IRF8: variants seen among roughly 807,000 people sequenced by gnomAD.
IRF8 encodes interferon consensus sequence binding protein 1.
Under a neutral mutation model 48.7 loss-of-function variants are expected in IRF8, and 14 were observed. That is an observed-to-expected ratio of 0.29 (90% CI 0.19 to 0.45). The LOEUF (loss-of-function observed/expected upper bound fraction) is 0.45, where lower values mean the gene tolerates loss of function less well. Among genes scored for constraint, IRF8 ranks in the 20% least tolerant of loss-of-function variants. IRF8 has a pLI of 1.00. For missense variants in IRF8, 493 were observed against 580.7 expected (o/e 0.85, Z 1.55); for synonymous variants, 278 against 227.3 (o/e 1.22, Z -2.01).
intron 2 of IRF8, 66 bp downstream of exon 2, chr16:85,903,255 G>A (rs1000541441): frequency 6.5e-6 from 9 of 1,384,972 alleles, no homozygotes; most frequent in East Asian, 2.4e-5. Context: ...GACTAGTGGA[G>A]ATGTTGAGTG....
chr16:85,917,951 A>G (rs987652390), intron 6 of IRF8, among the ~76,000 whole-genome samples: 1 of 152,200 alleles, frequency 6.6e-6, no homozygotes, highest in Non-Finnish European at 1.5e-5. Flanking sequence ...TTTGTTGAGA[A>G]AAAGATTATG....
intron 6 of IRF8, 126 bp from the exon 7 acceptor site, chr16:85,918,291 A>G (rs1202214031): frequency 2.8e-6 from 3 of 1,083,700 alleles, no homozygotes; most frequent in Non-Finnish European, 4.0e-6. Context: ...ATTTCCCCAG[A>G]ATATCAAAGT....
rs749700728 is a variant in IRF8, at chr16:85,903,096, T to A, written c.81T>A (p.Ile27=). ...ACAGTAGCATGTATCCAGGACTGAT[T>A]TGGGAGAATGAGGAGAAGAGCATGT... ...QIDSSMYPGL[I]WENEEKSMFR... The change falls in exon 2 of 9, where the codon ATT becomes ATA. Residue 27 remains isoleucine, a synonymous_variant. Transcript: ENST00000268638. The A allele has an allele frequency of 2.7e-5, 43 of 1,613,922 alleles. No individual in the cohort carries two copies. In the South Asian group the frequency reaches 4.5e-4, roughly 17 times the overall value.
intron 1 of IRF8, among the ~76,000 whole-genome samples, chr16:85,902,383 C>G (rs1904851761): frequency 6.6e-6 from 1 of 152,152 alleles, no homozygotes; most frequent in South Asian, 2.1e-4. Flanking sequence ...AGCTGATGCC[C>G]TGAGTTTAAA....
At chr16:85,910,651 C>T (rs1292931210) in intron 3 of IRF8, among the ~76,000 whole-genome samples, 2 of 152,226 alleles carry the variant, frequency 1.3e-5, no homozygotes, top group East Asian at 3.9e-4. Context: ...GTTAAAGAAG[C>T]AGCAGGAGGT....
chr16:85,907,326 A>G (rs1160632418), intron 2 of IRF8, among the ~76,000 whole-genome samples: 2 of 152,198 alleles, frequency 1.3e-5, no homozygotes, highest in Non-Finnish European at 2.9e-5. Flanking sequence ...GGCATGATGG[A>G]GTTTCTGGAA....
chr16:85,914,679 C>T (rs1191812520), intron 6 of IRF8, among the ~76,000 whole-genome samples, 159 bp downstream of exon 6: 1 of 151,906 alleles, frequency 6.6e-6, no homozygotes, highest in Non-Finnish European at 1.5e-5. Context: ...GAAGTCTAGG[C>T]TCCGTTCCGA....
At chr16:85,915,247 T>C (rs991142819) in intron 6 of IRF8, among the ~76,000 whole-genome samples, 4 of 152,264 alleles carry the variant, frequency 2.6e-5, no homozygotes, top group Non-Finnish European at 5.9e-5. Flanking sequence ...TCAGGCGTGG[T>C]GACGGCATCT....
chr16:85,914,546 G>A (rs745920410), intron 6 of IRF8, 26 bp downstream of exon 6: 2 of 1,613,814 alleles, frequency 1.2e-6, no homozygotes, highest in South Asian at 1.1e-5. Flanking sequence ...GGCTGAGAGG[G>A]GCGTGGGCAC....
intron 2 of IRF8, among the ~76,000 whole-genome samples, chr16:85,904,129 C>T (rs1399936148): frequency 6.6e-6 from 1 of 152,188 alleles, no homozygotes; most frequent in Admixed American, 6.5e-5. Flanking sequence ...AGATTCGGAG[C>T]CCAAGGTCAA....
At chr16:85,904,628 T>C (rs1284750970) in intron 2 of IRF8, among the ~76,000 whole-genome samples, 2 of 152,074 alleles carry the variant, frequency 1.3e-5, no homozygotes, top group Admixed American at 6.6e-5. Flanking sequence ...CCAAGGAATA[T>C]GGGGACAAGG....
intron 2 of IRF8, among the ~76,000 whole-genome samples, chr16:85,908,540 C>T (rs1354773679): frequency 6.6e-6 from 1 of 152,178 alleles, no homozygotes; most frequent in African/African-American, 2.4e-5. Context: ...TGACTTTTTG[C>T]AAATGTTCCC....
At position 85,918,897 on chromosome 16, in the gene IRF8, A is replaced by G. The variant is rs16939982; in HGVS notation, c.988+94A>G. On this transcript the variant is annotated intron_variant, in intron 7 of 8. Coordinates refer to ENST00000268638, the MANE Select transcript of IRF8 (RefSeq NM_002163.4). ...CAGCTCAGGGTGGCCCTGTGGTCTC[A>G]TGGAGGGATGTGGAGGAGGAGTGAG... 3.1e-3 allele frequency: 4,560 copies of G among 1,494,726 alleles called. 110 individuals are homozygous for G. In the African/African-American group the frequency reaches 0.053, roughly 17 times the overall value. 92.6% of individuals were successfully genotyped at this position (1,494,726 alleles called of 1,614,324 possible).
At chr16:85,918,908 T>A (rs1200472787) in intron 7 of IRF8, 105 bp downstream of exon 7, 9 of 1,437,468 alleles carry the variant, frequency 6.3e-6, no homozygotes, top group Non-Finnish European at 8.7e-6. Context: ...TGGAGGGATG[T>A]GGAGGAGGAG....
chr16:85,903,080 T>C lies in IRF8; in HGVS notation c.65T>C (p.Met22Thr), dbSNP rs751261768. 9 of 1,614,230 alleles carry C rather than the reference T, an allele frequency of 5.6e-6. No homozygotes were observed. The highest frequency in any genetic ancestry group is 1.1e-5 in the South Asian group (1 of 91,088). The change falls in exon 2 of 9, where the codon ATG (methionine) becomes ACG (threonine). Residue 22 changes from methionine to threonine, a missense_variant. Around this residue, in one of 3 missense-constraint regions of IRF8, gnomAD observed 54 missense variants for 59.9 expected, o/e 0.90. Coordinates refer to ENST00000268638, the MANE Select transcript of IRF8 (RefSeq NM_002163.4). ...QWLIEQIDSS[M>T]YPGLIWENEE... is the part of the protein sequence containing the mutation. ...CTGATCGAGCAGATTGACAGTAGCA[T>C]GTATCCAGGACTGATTTGGGAGAAT...
At chr16:85,920,823 TA>T (rs1905534119) in intron 8 of IRF8, among the ~76,000 whole-genome samples, 1 of 152,232 alleles carries the variant, frequency 6.6e-6, no homozygotes, top group African/African-American at 2.4e-5. Context: ...CCCGAAGGTC[TA>T]AGTGACAGAT....
intron 4 of IRF8, among the ~76,000 whole-genome samples, chr16:85,912,465 T>C (rs1905173566): frequency 6.6e-6 from 1 of 152,156 alleles, no homozygotes; most frequent in Non-Finnish European, 1.5e-5. Context: ...GATAACAGAA[T>C]GTAACCTACC....
chr16:85,902,433 T>TG (rs1904853822), intron 1 of IRF8, among the ~76,000 whole-genome samples: 1 of 152,230 alleles, frequency 6.6e-6, no homozygotes, highest in African/African-American at 2.4e-5. Context: ...TGGCGGGACT[T>TG]GAATGAGATC....
In IRF8 at chr16:85,918,419, T is replaced by G. The variant is rs778971066; in HGVS notation, c.604T>G (p.Phe202Val). 9 of 1,595,200 alleles carry G rather than the reference T, an allele frequency of 5.6e-6. No individual in the cohort carries two copies. Among genetic ancestry groups the G allele is most frequent in the Non-Finnish European group, 7.6e-6 (9 of 1,178,426 alleles). ...CATCGTGTCCCTCTTGTCCACAGCA[T>G]TCTCCCAGATGGTGATCAGCTTCTA... is the stretch of plus-strand genomic sequence containing the variant. ...YTTYDAHHSAFSQMVISFYYG... is the reference protein window; with the variant it reads ...YTTYDAHHSAVSQMVISFYYG... The change falls in exon 7 of 9, where the codon TTC becomes GTC. Residue 202 changes from phenylalanine (F) to valine (V), a missense_variant and splice_region_variant. Around this residue, in one of 3 missense-constraint regions of IRF8, gnomAD observed 408 missense variants for 449.6 expected, o/e 0.91. Transcript: ENST00000268638.
Sources: allele counts gnomAD v4.1 joint callset (sites outside exome capture counted in the v4.1 genomes callset), GRCh38; gene constraint gnomAD v4.1.1; regional missense constraint gnomAD v4.1.1; transcripts MANE v1.5; gene names NCBI Gene and HGNC (gene_info 2026-07-23, HGNC 2026-07-21).